The following IGBP1C variants were observed in gnomAD, a reference collection of about 807,000 sequenced individuals.
IGBP1C encodes the protein immunoglobulin-binding protein 1 family member C.
At chr17:58,665,427 C>A in the IGBP1C span, among the ~76,000 whole-genome samples, 1 of 151,354 alleles carries the variant, frequency 6.6e-6, no homozygotes, top group Non-Finnish European at 1.5e-5. Context: ...TTGCCTAAAC[C>A]CTGCCTCTAC....
At chr17:58,668,500 G>C in the IGBP1C span, among the ~76,000 whole-genome samples, 1 of 152,152 alleles carries the variant, frequency 6.6e-6, no homozygotes, top group African/African-American at 2.4e-5. Flanking sequence ...CCCACTGAAG[G>C]CTCAGGGTGC....
chr17:58,676,270 G>A, the IGBP1C span, among the ~76,000 whole-genome samples: 1 of 152,136 alleles, frequency 6.6e-6, no homozygotes, highest in Non-Finnish European at 1.5e-5. Context: ...CAGCTACTCA[G>A]GAGGTTGAGG....
the IGBP1C span, among the ~76,000 whole-genome samples, chr17:58,684,026 C>T: frequency 2.0e-5 from 3 of 152,096 alleles, no homozygotes; most frequent in African/African-American, 7.2e-5. Context: ...GATGGTGCCA[C>T]TGCACTCCAG....
chr17:58,661,076 GACAACTTATGCTCCA>G, the IGBP1C span: 1 of 1,066,902 alleles, frequency 9.4e-7, no homozygotes, highest in Non-Finnish European at 1.5e-6. Flanking sequence ...TTTCATTGTA[GACAACTTATGCTCCA>G]ACACCTTCTT....
chr17:58,672,983 C>T, the IGBP1C span, among the ~76,000 whole-genome samples: 3 of 151,856 alleles, frequency 2.0e-5, no homozygotes, highest in Admixed American at 6.6e-5. Context: ...CTGCTAGCCT[C>T]GAACTCCCAA....
the IGBP1C span, among the ~76,000 whole-genome samples, chr17:58,668,818 C>T: frequency 6.6e-5 from 10 of 152,104 alleles, no homozygotes; most frequent in Non-Finnish European, 8.8e-5. Context: ...CTCTAGTCAC[C>T]CACCCTAACA....
the IGBP1C span, among the ~76,000 whole-genome samples, chr17:58,670,560 G>C: frequency 6.6e-6 from 1 of 151,940 alleles, no homozygotes; most frequent in South Asian, 2.1e-4. Flanking sequence ...GATCACTTGA[G>C]GTCAGGTGTT....
At chr17:58,663,422 C>CAAA in the IGBP1C span, among the ~76,000 whole-genome samples, 2 of 57,836 alleles carry the variant, frequency 3.5e-5, no homozygotes, top group Non-Finnish European at 3.5e-5. Context: ...AACTCCGTCT[C>CAAA]AAAAAAAAAA....
chr17:58,684,230 G>C, the IGBP1C span, among the ~76,000 whole-genome samples: 1 of 151,850 alleles, frequency 6.6e-6, no homozygotes. Context: ...GGGAGGCCTT[G>C]GCGGGTGGAT....
chr17:58,660,844 C>T, the IGBP1C span: 21 of 788,496 alleles, frequency 2.7e-5, no homozygotes, highest in Non-Finnish European at 4.9e-5. Context: ...CTTTGGCTTG[C>T]GCCATGTTCC....
the IGBP1C span, chr17:58,661,683 CTGAATCGGGCGCTG>C: frequency 1.7e-6 from 1 of 605,386 alleles, no homozygotes; most frequent in East Asian, 2.8e-5. Context: ...AACAACCAGT[CTGAATCGGGCGCTG>C]CACGGCAGGG....
the IGBP1C span, chr17:58,679,556 C>T: frequency 1.3e-5 from 2 of 152,248 alleles, no homozygotes; most frequent in African/African-American, 2.4e-5. Flanking sequence ...GTCCCCACTA[C>T]CACAAATTAT....
chr17:58,673,765 G>A, the IGBP1C span, among the ~76,000 whole-genome samples: 2 of 151,710 alleles, frequency 1.3e-5, no homozygotes, highest in African/African-American at 4.8e-5. Context: ...TACAGTTGGG[G>A]TTAAGCCATG....
chr17:58,666,046 C>CAAA, the IGBP1C span, among the ~76,000 whole-genome samples: 22 of 99,078 alleles, frequency 2.2e-4, no homozygotes, highest in African/African-American at 7.4e-4. Context: ...GACTCTGTCT[C>CAAA]AAAAAAAAAA....
At chr17:58,692,042 G>T in the IGBP1C span, 164 of 152,856 alleles carry the variant, frequency 1.1e-3, 2 homozygotes, top group Non-Finnish European at 1.9e-3. Flanking sequence ...TGGGTGCGGG[G>T]AATGCGGACT....
At chr17:58,685,071 C>T in the IGBP1C span, among the ~76,000 whole-genome samples, 7 of 151,604 alleles carry the variant, frequency 4.6e-5, no homozygotes, top group Admixed American at 3.3e-4. Context: ...AGAAATAATA[C>T]GAATGAAAAA....
the IGBP1C span, among the ~76,000 whole-genome samples, chr17:58,681,392 C>T: frequency 1.3e-5 from 2 of 152,178 alleles, no homozygotes; most frequent in African/African-American, 2.4e-5. Flanking sequence ...TGCAACCAGA[C>T]ACTTGTTCTC....
the IGBP1C span, among the ~76,000 whole-genome samples, chr17:58,662,882 G>T: frequency 6.6e-6 from 1 of 151,676 alleles, no homozygotes; most frequent in African/African-American, 2.4e-5. Context: ...CACTTTGGAA[G>T]GCTGAGACGG....
At chr17:58,675,177 C>T in the IGBP1C span, 1 of 151,714 alleles carries the variant, frequency 6.6e-6, no homozygotes, top group South Asian at 2.1e-4. Flanking sequence ...AGCCAATAAG[C>T]ACACGAAAAT....
Sources: gnomAD v4.1 joint callset for allele counts (sites outside exome capture counted in the v4.1 genomes callset) on GRCh38, gnomAD v4.1.1 for gene constraint, MANE v1.5 for transcripts, NCBI Gene and HGNC (gene_info 2026-07-23, HGNC 2026-07-21) for gene names.